The following MSRB3 variants were observed in gnomAD, a reference collection of about 807,000 sequenced individuals.
MSRB3 encodes the protein methionine sulfoxide reductase B3, also known as methionine-R-sulfoxide reductase B3.
In MSRB3, 13 loss-of-function variants were observed where a neutral mutation model predicts 21.0. That is an observed-to-expected ratio of 0.62 (90% confidence interval 0.40 to 0.98). The LOEUF is 0.98. MSRB3 is among the 50% of genes least tolerant of loss of function. The pLI is 0.00. For missense variants in MSRB3, 199 were observed against 230.3 expected, an observed-to-expected ratio of 0.86 and a Z score of 0.88; for synonymous variants, 87 against 88.6, an observed-to-expected ratio of 0.98 and a Z score of 0.10.
chr12:65,341,173 C>G (rs899918642), intron 4 of MSRB3, among the ~76,000 whole-genome samples: 1 of 151,602 alleles, frequency 6.6e-6, no homozygotes, highest in East Asian at 1.9e-4. Flanking sequence ...CCATCACAGA[C>G]GAATAGATAA....
At chr12:65,424,634 A>G (rs1881483201) in intron 5 of MSRB3, among the ~76,000 whole-genome samples, 2 of 151,894 alleles carry the variant, frequency 1.3e-5, no homozygotes, top group African/African-American at 4.8e-5. Context: ...TCCTCCTATT[A>G]TTGATTTTTG....
In MSRB3 at chr12:65,463,362, C is replaced by T; in HGVS notation, c.*40C>T. On this transcript the variant is annotated 3_prime_UTR_variant, in exon 7 of 7. Coordinates refer to ENST00000308259, the MANE Select transcript of MSRB3 (RefSeq NM_001031679.3). ...ATGGAAACAAAGTGTACTTAATGCA[C>T]AGCTTATTAAAAAAATCAAAATTGT... is the stretch of plus-strand genomic sequence containing the variant. 1 of 1,608,398 alleles carries T rather than the reference C, an allele frequency of 6.2e-7. No homozygotes were observed. The highest frequency in any genetic ancestry group is 8.5e-7 in the Non-Finnish European group (1 of 1,176,066).
At chr12:65,444,194 T>C (rs1368119698) in intron 5 of MSRB3, among the ~76,000 whole-genome samples, 1 of 152,124 alleles carries the variant, frequency 6.6e-6, no homozygotes, top group East Asian at 1.9e-4. Flanking sequence ...CAAACATGTT[T>C]GACCTGGGAA....
Position 65,310,563 on chromosome 12 carries a change from G to T in MSRB3, c.76+1908G>T, listed in dbSNP as rs117966337. ...CCAATGTGTAAAAGTACCCAGCATAGTTCTTGTAACATTGGTTTGCCAAAT... is the reference window on the plus strand; with the variant it reads ...CCAATGTGTAAAAGTACCCAGCATATTTCTTGTAACATTGGTTTGCCAAAT... On this transcript the variant is annotated intron_variant, in intron 2 of 6. Coordinates refer to ENST00000308259, the MANE Select transcript of MSRB3 (RefSeq NM_001031679.3). Among the ~76,000 whole-genome samples, 957 of 152,276 alleles carry T rather than the reference G, an allele frequency of 6.3e-3. 6 individuals carry two copies. Among genetic ancestry groups the T allele is most frequent in the South Asian group, 0.025 (119 of 4,828 alleles).
At chr12:65,409,009 CAT>C (rs1234909156) in intron 5 of MSRB3, among the ~76,000 whole-genome samples, 1 of 152,240 alleles carries the variant, frequency 6.6e-6, no homozygotes, top group East Asian at 1.9e-4. Context: ...AGAGGTAAAA[CAT>C]ATGAAAGTGT....
chr12:65,341,018 A>G (rs1295265926), intron 4 of MSRB3, among the ~76,000 whole-genome samples: 1 of 152,106 alleles, frequency 6.6e-6, no homozygotes, highest in East Asian at 1.9e-4. Context: ...TGACAAATGT[A>G]AAGTACTCCT....
At chr12:65,376,766 A>G (rs1878648716) in intron 5 of MSRB3, among the ~76,000 whole-genome samples, 1 of 152,144 alleles carries the variant, frequency 6.6e-6, no homozygotes, top group Non-Finnish European at 1.5e-5. Context: ...TCACCATAGC[A>G]CGTGTATACC....
At chr12:65,371,401 G>A (rs1396548530) in intron 5 of MSRB3, among the ~76,000 whole-genome samples, 1 of 151,022 alleles carries the variant, frequency 6.6e-6, no homozygotes, top group African/African-American at 2.4e-5. Flanking sequence ...TCTCTATTGT[G>A]CATCAAATAC....
chr12:65,425,781 T>C (rs992859972), intron 5 of MSRB3, among the ~76,000 whole-genome samples: 4 of 152,198 alleles, frequency 2.6e-5, no homozygotes, highest in Admixed American at 6.5e-5. Context: ...AAAGGATTTC[T>C]ACACCATCAT....
At chr12:65,451,169 A>G (rs1321802658) in intron 5 of MSRB3, among the ~76,000 whole-genome samples, 2 of 152,222 alleles carry the variant, frequency 1.3e-5, no homozygotes, top group African/African-American at 4.8e-5. Context: ...ATTTGGGTTG[A>G]CATATTGAAT....
chr12:65,319,017 T>G (rs1259136153), intron 2 of MSRB3, among the ~76,000 whole-genome samples: 1 of 152,194 alleles, frequency 6.6e-6, no homozygotes, highest in Non-Finnish European at 1.5e-5. Context: ...ACTTCTATTG[T>G]TTCCCAACAA....
chr12:65,302,865 A>G (rs1299513879), intron 1 of MSRB3, among the ~76,000 whole-genome samples: 3 of 152,170 alleles, frequency 2.0e-5, no homozygotes, highest in South Asian at 2.1e-4. Flanking sequence ...TCTGTTTATA[A>G]TAAGATGAAA....
At chr12:65,339,016 G>T (rs1875965377) in intron 4 of MSRB3, among the ~76,000 whole-genome samples, 1 of 152,190 alleles carries the variant, frequency 6.6e-6, no homozygotes, top group South Asian at 2.1e-4. Flanking sequence ...GGCGGAGGTT[G>T]CAGTGAGCCA....
chr12:65,408,064 A>C (rs1270200391), intron 5 of MSRB3, among the ~76,000 whole-genome samples: 3 of 150,802 alleles, frequency 2.0e-5, no homozygotes, highest in African/African-American at 7.3e-5. Flanking sequence ...TGCTTGCTCT[A>C]TCTCTTCAAA....
At chr12:65,414,786 A>G (rs1191983847) in intron 5 of MSRB3, among the ~76,000 whole-genome samples, 4 of 152,226 alleles carry the variant, frequency 2.6e-5, no homozygotes, top group Non-Finnish European at 5.9e-5. Flanking sequence ...TTCTGGCCTC[A>G]GCAACCAGAA....
chr12:65,385,082 G>T (rs1879139845), intron 5 of MSRB3, among the ~76,000 whole-genome samples: 1 of 152,076 alleles, frequency 6.6e-6, no homozygotes, highest in Non-Finnish European at 1.5e-5. Flanking sequence ...CTGAGGTTAT[G>T]TGTAAATACT....
chr12:65,402,594 C>T lies in MSRB3; in HGVS notation c.292+33568C>T, dbSNP rs141038571. Among the ~76,000 whole-genome samples, 113 of 152,256 alleles carry T rather than the reference C, an allele frequency of 7.4e-4. 1 individual carries two copies. The East Asian group carries it at 0.02, about 27-fold the overall frequency. On this transcript the variant is annotated intron_variant, in intron 5 of 6. Transcript: ENST00000308259. ...AGCTCGAGGAGTTTATTATTACCCACCTTCTGAAGCCTACTTCTGTCAATT... is the reference window on the plus strand; with the variant it reads ...AGCTCGAGGAGTTTATTATTACCCATCTTCTGAAGCCTACTTCTGTCAATT...
chr12:65,355,387 A>G (rs192982059), intron 4 of MSRB3, among the ~76,000 whole-genome samples: 1 of 151,890 alleles, frequency 6.6e-6, no homozygotes, highest in Non-Finnish European at 1.5e-5. Context: ...AAGAGAGTCC[A>G]TTAAGGTCAA....
intron 4 of MSRB3, among the ~76,000 whole-genome samples, chr12:65,347,941 G>T (rs1174800840): frequency 6.6e-6 from 1 of 152,178 alleles, no homozygotes; most frequent in Non-Finnish European, 1.5e-5. Context: ...AAGCCCACTT[G>T]ATCATGGTGG....
Sources: gnomAD v4.1 joint callset for allele counts (sites outside exome capture counted in the v4.1 genomes callset) on GRCh38, gnomAD v4.1.1 for gene constraint, MANE v1.5 for transcripts, NCBI Gene and HGNC (gene_info 2026-07-23, HGNC 2026-07-21) for gene names.